The following IL21R variants were observed in gnomAD, a reference collection of about 807,000 sequenced individuals.
IL21R encodes the protein interleukin-21 receptor.
IL21R carries 14 observed loss-of-function variants against 41.3 expected under a neutral mutation model. The ratio of observed to expected loss-of-function variants is 0.34; its 90% confidence interval spans 0.22 to 0.53. The LOEUF (loss-of-function observed/expected upper bound fraction) is 0.53, where lower values mean the gene tolerates loss of function less well. IL21R is among the 20% of genes least tolerant of loss of function. The pLI is 0.94. For missense variants in IL21R, 588 were observed against 681.6 expected, an observed-to-expected ratio of 0.86 and a Z score of 1.53; for synonymous variants, 286 against 287.6, an observed-to-expected ratio of 0.99 and a Z score of 0.05.
At chr16:27,421,065 A>G (rs1596574588) in intron 1 of IL21R, among the ~76,000 whole-genome samples, 1 of 152,206 alleles carries the variant, frequency 6.6e-6, no homozygotes, top group South Asian at 2.1e-4. Flanking sequence ...TTTAAAGACT[A>G]TTCTTTCCCC....
chr16:27,441,611 C>G (rs1000680642), intron 4 of IL21R, among the ~76,000 whole-genome samples: 2 of 152,180 alleles, frequency 1.3e-5, no homozygotes, highest in African/African-American at 4.8e-5. Flanking sequence ...CTTGAAGTAG[C>G]TGGGGTTGAA....
chr16:27,408,487 C>A (rs1189346627), intron 1 of IL21R, among the ~76,000 whole-genome samples: 1 of 152,120 alleles, frequency 6.6e-6, no homozygotes, highest in Non-Finnish European at 1.5e-5. Context: ...CATGGAATGA[C>A]ACGGTTGGAG....
intron 4 of IL21R, among the ~76,000 whole-genome samples, chr16:27,441,071 G>GAA (rs2087380875): frequency 1.7e-5 from 2 of 116,948 alleles, no homozygotes; most frequent in African/African-American, 6.4e-5. Flanking sequence ...AAAAAAGAAA[G>GAA]AAGAGAAAAA....
intron 1 of IL21R, among the ~76,000 whole-genome samples, chr16:27,421,018 T>C (rs1372943030): frequency 6.6e-6 from 1 of 152,150 alleles, no homozygotes; most frequent in African/African-American, 2.4e-5. Flanking sequence ...CTTCATTATA[T>C]TGCATTGTGG....
chr16:27,437,760 T>A (rs1323967766), intron 4 of IL21R, 73 bp downstream of exon 4: 1 of 1,247,278 alleles, frequency 8.0e-7, no homozygotes, highest in African/African-American at 1.5e-5. Flanking sequence ...CTCTCTGGGC[T>A]CAGGTGATCC....
chr16:27,405,046 T>C (rs1322307769), intron 1 of IL21R, among the ~76,000 whole-genome samples: 2 of 152,002 alleles, frequency 1.3e-5, no homozygotes, highest in Non-Finnish European at 2.9e-5. Flanking sequence ...TTTTAATTTT[T>C]TTTTGAGACA....
chr16:27,403,344 A>T, intron 1 of IL21R: 1 of 934,522 alleles, frequency 1.1e-6, no homozygotes, highest in East Asian at 4.7e-5. Context: ...GGGGAGCGGG[A>T]ACTTAGGACT....
chr16:27,411,551 C>T (rs566414941), intron 1 of IL21R, among the ~76,000 whole-genome samples: 3 of 147,902 alleles, frequency 2.0e-5, no homozygotes, highest in Middle Eastern at 3.5e-3. Flanking sequence ...CAACCTCCGC[C>T]TCCCAGGTTC....
intron 2 of IL21R, among the ~76,000 whole-genome samples, chr16:27,431,336 CA>C (rs1256452347): frequency 6.6e-6 from 1 of 152,218 alleles, no homozygotes; most frequent in Non-Finnish European, 1.5e-5. Flanking sequence ...GCCCTGGCTG[CA>C]TGCAAAGCTC....
In IL21R at chr16:27,446,001, C is replaced by T. The variant is rs757674114; in HGVS notation, c.786-6C>T. The T allele has an allele frequency of 1.9e-6, 3 of 1,610,352 alleles. No individual in the cohort carries two copies. The highest frequency in any genetic ancestry group is 2.2e-5 in the East Asian group (1 of 44,708). On this transcript the variant is annotated splice_region_variant and splice_polypyrimidine_tract_variant and intron_variant, in intron 7 of 8. Coordinates refer to ENST00000337929, the MANE Select transcript of IL21R (RefSeq NM_181078.3). ...TCAGGGTCCTCACCCCTCTCTGCCCCCTCAGGCTATGGAAGAAGATATGGG... is the reference window on the plus strand; with the variant it reads ...TCAGGGTCCTCACCCCTCTCTGCCCTCTCAGGCTATGGAAGAAGATATGGG...
chr16:27,443,644 C>T (rs973293940), intron 5 of IL21R, among the ~76,000 whole-genome samples: 5 of 152,036 alleles, frequency 3.3e-5, no homozygotes, highest in African/African-American at 1.2e-4. Flanking sequence ...ATTAGCCAGG[C>T]GTGGTGACAT....
chr16:27,450,789 G>A lies in IL21R; in HGVS notation c.*1506G>A. 1 of 228,816 alleles carries A rather than the reference G, an allele frequency of 4.4e-6. No individual in the cohort carries two copies. The allele number at this position is 228,816 out of a possible 1,614,324, so 14.2% of individuals were successfully genotyped here. On this transcript the variant is annotated 3_prime_UTR_variant, in exon 9 of 9. Coordinates refer to ENST00000337929, the MANE Select transcript of IL21R (RefSeq NM_181078.3). The stretch of plus-strand genomic sequence containing the variant: ...GTAGAGCTGGGGCCACCCTGGCCCG[G>A]CCCCGTCTTCCTCCCCAAAGGTCAG...
intron 1 of IL21R, among the ~76,000 whole-genome samples, chr16:27,419,161 T>C (rs36092771): frequency 6.6e-6 from 1 of 151,924 alleles, no homozygotes; most frequent in African/African-American, 2.4e-5. Context: ...CACCACGCCA[T>C]TGCACTCCAG....
intron 8 of IL21R, chr16:27,448,246 G>A (rs1367717353): frequency 1.2e-5 from 4 of 341,834 alleles, no homozygotes; most frequent in Non-Finnish European, 2.1e-5. Context: ...CCTGACGTCA[G>A]GAGTTCAAGA....
intron 2 of IL21R, among the ~76,000 whole-genome samples, chr16:27,433,595 G>A (rs1398138478): frequency 6.6e-6 from 1 of 152,210 alleles, no homozygotes; most frequent in African/African-American, 2.4e-5. Flanking sequence ...AAATGTAGAT[G>A]ATGATTGCAC....
At chr16:27,428,477 A>C (rs972389221) in intron 1 of IL21R, among the ~76,000 whole-genome samples, 1 of 152,248 alleles carries the variant, frequency 6.6e-6, no homozygotes, top group African/African-American at 2.4e-5. Context: ...TGGGTCCTGC[A>C]TGGGGCATCC....
intron 1 of IL21R, among the ~76,000 whole-genome samples, chr16:27,404,866 G>A (rs1413734667): frequency 6.6e-6 from 1 of 152,096 alleles, no homozygotes; most frequent in Non-Finnish European, 1.5e-5. Context: ...GGTCTGTGGT[G>A]AGGATTTACT....
At chr16:27,419,025 G>A (rs1414153678) in intron 1 of IL21R, among the ~76,000 whole-genome samples, 1 of 151,960 alleles carries the variant, frequency 6.6e-6, no homozygotes, top group Non-Finnish European at 1.5e-5. Context: ...GACCAGCCTG[G>A]CCAACATGGT....
At chr16:27,443,791 A>C (rs1335236854) in intron 5 of IL21R, among the ~76,000 whole-genome samples, 1 of 152,104 alleles carries the variant, frequency 6.6e-6, no homozygotes, top group Non-Finnish European at 1.5e-5. Flanking sequence ...TCAAAAAAAA[A>C]AAAAAGGTCC....
Sources: allele counts gnomAD v4.1 joint callset (sites outside exome capture counted in the v4.1 genomes callset), GRCh38; gene constraint gnomAD v4.1.1; transcripts MANE v1.5; gene names NCBI Gene and HGNC (gene_info 2026-07-23, HGNC 2026-07-21).